The following CACNA2D1 variants were observed in gnomAD, a reference collection of about 807,000 sequenced individuals.
CACNA2D1 encodes calcium voltage-gated channel auxiliary subunit alpha2delta 1.
Under a neutral mutation model 171.5 loss-of-function variants are expected in CACNA2D1, and 53 were observed. That is an observed-to-expected ratio of 0.31 (90% CI 0.25 to 0.39). The LOEUF is 0.39. Among genes scored for constraint, CACNA2D1 ranks in the 10% least tolerant of loss-of-function variants. The pLI is 1.00. For synonymous variants in CACNA2D1, 442 were observed against 443.1 expected (o/e 1.00, Z 0.03); for missense variants, 903 against 1,299.8 (o/e 0.69, Z 4.69).
chr7:82,005,386 CA>C (rs1350417012), intron 18 of CACNA2D1, 36 bp downstream of exon 18: 3 of 1,226,874 alleles, frequency 2.4e-6, no homozygotes, highest in South Asian at 2.5e-5. Flanking sequence ...ATTAATTCTA[CA>C]AAACACTAAT....
chr7:82,295,805 A>C lies in CACNA2D1; in HGVS notation c.294+39330T>G, dbSNP rs377612760. On this transcript the variant is annotated intron_variant, in intron 3 of 38. Coordinates refer to ENST00000356860, the MANE Select transcript of CACNA2D1 (RefSeq NM_000722.4). The stretch of plus-strand genomic sequence containing the variant: ...AATCATGCTGCTATAAAGACACATG[A>C]ACACGTATGTTTATTGCGGCACTAT... Among the ~76,000 whole-genome samples the C allele has an allele frequency of 7.4e-3, 1,131 of 152,124 alleles. 10 individuals are homozygous for C. The highest frequency in any genetic ancestry group is 0.022 in the African/African-American group (924 of 41,496).
chr7:82,410,272 T>A (rs1291164859), intron 1 of CACNA2D1, among the ~76,000 whole-genome samples: 1 of 152,230 alleles, frequency 6.6e-6, no homozygotes, highest in Non-Finnish European at 1.5e-5. Flanking sequence ...GGTATGTTTG[T>A]GTGATTTGAG....
chr7:82,162,304 T>G (rs1476145962), intron 4 of CACNA2D1, among the ~76,000 whole-genome samples: 1 of 151,926 alleles, frequency 6.6e-6, no homozygotes, highest in Non-Finnish European at 1.5e-5. Flanking sequence ...TTTTTTTTCT[T>G]TAATGTTGGA....
chr7:81,972,280 C>G (rs1795363698), intron 25 of CACNA2D1, among the ~76,000 whole-genome samples: 1 of 151,106 alleles, frequency 6.6e-6, no homozygotes, highest in Non-Finnish European at 1.5e-5. Context: ...TATATAGAAA[C>G]AGAACTACCA....
rs146275353 is a variant in CACNA2D1, at chr7:82,115,389, A to G, written c.526+1655T>C. 4.7e-3 allele frequency among the ~76,000 whole-genome samples: 716 copies of G among 152,260 alleles called. 5 individuals are homozygous for G. The highest frequency in any genetic ancestry group is 6.7e-3 in the African/African-American group (279 of 41,570). ...AAAAGTAACTACAGAAAAATAATACAATGGTCAAAGAAAAAATATTAATAT... is the reference window on the plus strand; with the variant it reads ...AAAAGTAACTACAGAAAAATAATACGATGGTCAAAGAAAAAATATTAATAT... On this transcript the variant is annotated intron_variant, in intron 6 of 38. Coordinates refer to ENST00000356860, the MANE Select transcript of CACNA2D1 (RefSeq NM_000722.4).
intron 12 of CACNA2D1, among the ~76,000 whole-genome samples, chr7:82,026,410 TA>T (rs1475950973): frequency 3.3e-5 from 5 of 151,874 alleles, no homozygotes; most frequent in South Asian, 4.1e-4. Context: ...TGAACTTATT[TA>T]AAAAAAGTTT....
chr7:82,240,725 T>C (rs929473278), intron 3 of CACNA2D1, among the ~76,000 whole-genome samples: 2 of 152,054 alleles, frequency 1.3e-5, no homozygotes, highest in Admixed American at 6.6e-5. Flanking sequence ...TCTCAGCACT[T>C]TGGGAGGACG....
chr7:82,308,278 T>A (rs1051892474), intron 3 of CACNA2D1, among the ~76,000 whole-genome samples: 15 of 152,110 alleles, frequency 9.9e-5, no homozygotes, highest in Non-Finnish European at 2.2e-4. Context: ...ATTGGGTCAA[T>A]CAATGGATAA....
intron 3 of CACNA2D1, among the ~76,000 whole-genome samples, chr7:82,319,193 C>T (rs1182122625): frequency 6.6e-6 from 1 of 152,096 alleles, no homozygotes; most frequent in Non-Finnish European, 1.5e-5. Flanking sequence ...TTAAGACCTT[C>T]TATTTTAAGG....
intron 11 of CACNA2D1, among the ~76,000 whole-genome samples, chr7:82,036,258 C>A (rs767314654): frequency 2.0e-5 from 3 of 152,136 alleles, no homozygotes; most frequent in Admixed American, 6.6e-5. Flanking sequence ...TTAGAACACT[C>A]CAAGGCCATA....
chr7:82,011,981 C>T (rs1471870708), intron 15 of CACNA2D1, 173 bp downstream of exon 15: 11 of 622,154 alleles, frequency 1.8e-5, no homozygotes, highest in South Asian at 5.5e-5. Context: ...CTACTACATA[C>T]GAGTCTATGT....
intron 3 of CACNA2D1, among the ~76,000 whole-genome samples, chr7:82,195,840 A>T (rs1172399104): frequency 6.6e-6 from 1 of 151,854 alleles, no homozygotes; most frequent in Non-Finnish European, 1.5e-5. Context: ...CAGAGGAGGG[A>T]GGATAGATAA....
In CACNA2D1 at chr7:82,404,028, C is replaced by T. The variant is rs538261854; in HGVS notation, c.95+39337G>A. ...AGTGAATAGTTTTCATAAATGTGAA[C>T]GAAGAAAATCTAGCAGTGTTAACTA... On this transcript the variant is annotated intron_variant, in intron 1 of 38. Coordinates refer to ENST00000356860, the MANE Select transcript of CACNA2D1 (RefSeq NM_000722.4). Among the ~76,000 whole-genome samples, 21 of 152,214 alleles carry T rather than the reference C, an allele frequency of 1.4e-4. No individual in the cohort carries two copies. The South Asian group carries it at 2.7e-3, about 20-fold the overall frequency.
rs560245701 is a variant in CACNA2D1 at position 82,094,800 on chromosome 7, T to C, written c.527-9900A>G. The stretch of plus-strand genomic sequence containing the variant: ...CAATCTGACAAAAGATAATAGAGGA[T>C]GGTAAACAACCAAGTCATGTCGGTT... On this transcript the variant is annotated intron_variant, in intron 6 of 38. Transcript: ENST00000356860. Among the ~76,000 whole-genome samples the C allele has an allele frequency of 2.7e-5, 4 of 147,702 alleles. No homozygotes were observed. The South Asian group carries it at 8.6e-4, about 32-fold the overall frequency.
At chr7:82,273,640 A>C (rs565282063) in intron 3 of CACNA2D1, among the ~76,000 whole-genome samples, 292 of 152,236 alleles carry the variant, frequency 1.9e-3, no homozygotes, top group Non-Finnish European at 3.2e-3. Context: ...GGAGCACCCT[A>C]CCATGCCTGG....
At chr7:82,058,565 C>T (rs1405542931) in intron 10 of CACNA2D1, among the ~76,000 whole-genome samples, 4 of 152,162 alleles carry the variant, frequency 2.6e-5, no homozygotes, top group Admixed American at 6.6e-5. Flanking sequence ...TGTTGAAATA[C>T]GTAGTGAGCT....
At chr7:82,125,703 C>T (rs1316837109) in intron 5 of CACNA2D1, among the ~76,000 whole-genome samples, 2 of 151,974 alleles carry the variant, frequency 1.3e-5, no homozygotes, top group African/African-American at 4.8e-5. Flanking sequence ...ATAGTGAGAC[C>T]CTGTCTCTAA....
rs111604422 is a variant in CACNA2D1 at position 81,992,196 on chromosome 7, C to G, written c.1735-950G>C. 6.4e-4 allele frequency among the ~76,000 whole-genome samples: 97 copies of G among 152,126 alleles called. 1 individual carries two copies. Among genetic ancestry groups the G allele is most frequent in the African/African-American group, 2.1e-3 (86 of 41,524 alleles). ...TTAGTTATTTTTGAGTTTCATCATT[C>G]TCACCAAAACAGTAACATGTATTGA... is the stretch of plus-strand genomic sequence containing the variant. On this transcript the variant is annotated intron_variant, in intron 20 of 38. Transcript: ENST00000356860.
chr7:82,388,838 G>A (rs574402684), intron 1 of CACNA2D1, among the ~76,000 whole-genome samples: 9 of 152,066 alleles, frequency 5.9e-5, no homozygotes, highest in Middle Eastern at 3.4e-3. Context: ...AAGGTAGGCC[G>A]GGCACGGTGG....
Sources: allele counts gnomAD v4.1 joint callset (sites outside exome capture counted in the v4.1 genomes callset), GRCh38; gene constraint gnomAD v4.1.1; transcripts MANE v1.5; gene names NCBI Gene and HGNC (gene_info 2026-07-23, HGNC 2026-07-21).